Variants in SSBP2 observed in about 807,000 individuals in gnomAD.
SSBP2 encodes single-stranded DNA-binding protein 2.
SSBP2 carries 17 observed loss-of-function variants against 61.8 expected under a neutral mutation model. The ratio of observed to expected loss-of-function variants is 0.28; its 90% CI spans 0.19 to 0.41. The LOEUF is 0.41. Among genes scored for constraint, SSBP2 ranks in the 10% least tolerant of loss-of-function variants. The pLI, the probability that SSBP2 is intolerant of heterozygous loss-of-function variation, is 1.00. For synonymous variants in SSBP2, 139 were observed against 141.3 expected, an observed-to-expected ratio of 0.98 and a Z score of 0.12; for missense variants, 310 against 458.7, an observed-to-expected ratio of 0.68 and a Z score of 2.96.
At chr5:81,499,212 CTT>C (rs1387300346) in intron 5 of SSBP2, among the ~76,000 whole-genome samples, 1 of 152,202 alleles carries the variant, frequency 6.6e-6, no homozygotes, top group African/African-American at 2.4e-5. Flanking sequence ...ATCATCAACA[CTT>C]AATTAAAATA....
At chr5:81,634,116 C>T (rs1458266145) in intron 3 of SSBP2, among the ~76,000 whole-genome samples, 1 of 152,212 alleles carries the variant, frequency 6.6e-6, no homozygotes, top group Admixed American at 6.5e-5. Flanking sequence ...GGACTTGCCT[C>T]ATTATATTCT....
chr5:81,656,196 T>C (rs1225135025), intron 1 of SSBP2, among the ~76,000 whole-genome samples: 1 of 151,834 alleles, frequency 6.6e-6, no homozygotes, highest in East Asian at 1.9e-4. Context: ...GGACTACAGG[T>C]GTGCACCACC....
intron 4 of SSBP2, among the ~76,000 whole-genome samples, chr5:81,580,300 T>C (rs1420768326): frequency 2.0e-5 from 3 of 152,002 alleles, no homozygotes; most frequent in Non-Finnish European, 4.4e-5. Flanking sequence ...TATTGACCTG[T>C]TTGAGAAAAA....
In SSBP2 at chr5:81,448,735, C is replaced by T. The variant is rs922310274; in HGVS notation, c.723+55G>A. The stretch of plus-strand genomic sequence containing the variant: ...TAACATCTGGACAACTGTTTCATTG[C>T]CCAAATAAAATGTAACATCAATTCT... On this transcript the variant is annotated intron_variant, in intron 11 of 16. Transcript: ENST00000320672. 27 of 1,539,374 alleles carry T rather than the reference C, an allele frequency of 1.8e-5. No homozygotes were observed. In the African/African-American group the frequency reaches 3.6e-4, roughly 20 times the overall value.
intron 4 of SSBP2, among the ~76,000 whole-genome samples, chr5:81,526,148 A>G (rs184716566): frequency 2.0e-5 from 3 of 152,202 alleles, no homozygotes; most frequent in African/African-American, 7.2e-5. Flanking sequence ...AATTTGTTTC[A>G]TTGTTTCACC....
At chr5:81,439,169 T>C (rs1321232001) in intron 14 of SSBP2, among the ~76,000 whole-genome samples, 1 of 152,080 alleles carries the variant, frequency 6.6e-6, no homozygotes, top group East Asian at 1.9e-4. Context: ...AAATCTTATA[T>C]ATAACCTAAA....
rs1377205221 is a variant in SSBP2 at position 81,492,930 on chromosome 5, T to C, written c.373-3621A>G. Among the ~76,000 whole-genome samples, 4 of 152,218 alleles carry C rather than the reference T, an allele frequency of 2.6e-5. No individual in the cohort carries two copies. In the East Asian group the frequency reaches 5.8e-4, roughly 22 times the overall value. ...AATATAAAGATTAGTATAATGTAGA[T>C]AGCTATAAATATTTGAAGTGTGTGT... On this transcript the variant is annotated intron_variant, in intron 5 of 16. Transcript: ENST00000320672.
intron 5 of SSBP2, among the ~76,000 whole-genome samples, chr5:81,495,291 T>C (rs1394638679): frequency 6.6e-6 from 1 of 152,206 alleles, no homozygotes; most frequent in Non-Finnish European, 1.5e-5. Context: ...CTTGAAGACA[T>C]ATATGATAAA....
chr5:81,705,571 G>GC (rs199618440), intron 1 of SSBP2, among the ~76,000 whole-genome samples: 1,957 of 152,038 alleles, frequency 0.013, 36 homozygotes, highest in African/African-American at 0.045. Flanking sequence ...TAACTACATC[G>GC]CAATTAGATG....
At chr5:81,522,872 A>T (rs951022699) in intron 4 of SSBP2, among the ~76,000 whole-genome samples, 2 of 152,072 alleles carry the variant, frequency 1.3e-5, no homozygotes, top group African/African-American at 4.8e-5. Context: ...TGTTATTTTC[A>T]CAAAGAATCC....
chr5:81,615,422 G>T, intron 4 of SSBP2, 51 bp downstream of exon 4: 1 of 1,341,080 alleles, frequency 7.5e-7, no homozygotes, highest in South Asian at 1.2e-5. Flanking sequence ...AAGAGCAGTG[G>T]TTAAACAGAA....
chr5:81,572,422 CA>C, intron 4 of SSBP2, among the ~76,000 whole-genome samples: 1 of 152,036 alleles, frequency 6.6e-6, no homozygotes, highest in South Asian at 2.1e-4. Context: ...AAAGGCATGC[CA>C]AAAAACATTC....
chr5:81,696,443 G>A (rs576266443), intron 1 of SSBP2, among the ~76,000 whole-genome samples: 1 of 152,202 alleles, frequency 6.6e-6, no homozygotes, highest in Non-Finnish European at 1.5e-5. Flanking sequence ...TGAGCTACAC[G>A]AAGAAATGGA....
At chr5:81,480,411 T>C (rs1010389281) in intron 6 of SSBP2, among the ~76,000 whole-genome samples, 4 of 152,238 alleles carry the variant, frequency 2.6e-5, no homozygotes, top group Non-Finnish European at 4.4e-5. Context: ...GCAATAGCAT[T>C]ATGTCTAAAA....
intron 1 of SSBP2, among the ~76,000 whole-genome samples, chr5:81,721,891 C>T (rs2153971486): frequency 6.6e-6 from 1 of 152,194 alleles, no homozygotes; most frequent in Middle Eastern, 3.4e-3. Context: ...ACTCTATGCA[C>T]ATGAGTATCA....
chr5:81,433,029 G>A (rs1246472483), intron 15 of SSBP2, among the ~76,000 whole-genome samples: 2 of 151,654 alleles, frequency 1.3e-5, no homozygotes, highest in Admixed American at 1.3e-4. Flanking sequence ...TCCGGGAGGT[G>A]AGGGGCGCCT....
At chr5:81,524,317 C>G (rs372964005) in intron 4 of SSBP2, among the ~76,000 whole-genome samples, 2 of 152,130 alleles carry the variant, frequency 1.3e-5, no homozygotes, top group East Asian at 3.9e-4. Flanking sequence ...GAATTCTTCT[C>G]AGAGCCTCTA....
At position 81,501,284 on chromosome 5, in the gene SSBP2, T is replaced by C. The variant is rs538677328; in HGVS notation, c.373-11975A>G. Among the ~76,000 whole-genome samples, 214 of 75,240 alleles carry C rather than the reference T, an allele frequency of 2.8e-3. 4 individuals carry two copies. Among genetic ancestry groups the C allele is most frequent in the Non-Finnish European group, 4.4e-3 (153 of 35,032 alleles). 49.4% of individuals were successfully genotyped at this position (75,240 alleles called of 152,430 possible). ...ATATATATATACACACACACACACA[T>C]GCACATACACCCACACACATGCATA... On this transcript the variant is annotated intron_variant, in intron 5 of 16. Coordinates refer to ENST00000320672, the MANE Select transcript of SSBP2 (RefSeq NM_012446.5).
At chr5:81,553,118 G>T (rs775185894) in intron 4 of SSBP2, among the ~76,000 whole-genome samples, 5 of 152,064 alleles carry the variant, frequency 3.3e-5, no homozygotes, top group Non-Finnish European at 5.9e-5. Flanking sequence ...CCTTGGGTGA[G>T]TCACTTAAGC....
Sources: allele counts gnomAD v4.1 joint callset (sites outside exome capture counted in the v4.1 genomes callset), GRCh38; gene constraint gnomAD v4.1.1; transcripts MANE v1.5; gene names NCBI Gene and HGNC (gene_info 2026-07-23, HGNC 2026-07-21).